The following DNAJC1 variants were observed in gnomAD, a reference collection of about 807,000 sequenced individuals.
DNAJC1 encodes DnaJ heat shock protein family (Hsp40) member C1.
Under a neutral mutation model 76.6 loss-of-function variants are expected in DNAJC1, and 58 were observed. The observed-to-expected ratio is 0.76, with a 90% CI of 0.61 to 0.94. The LOEUF (loss-of-function observed/expected upper bound fraction) is 0.94. DNAJC1 is among the 40% of genes least tolerant of loss of function. The pLI, the probability that DNAJC1 is intolerant of heterozygous loss-of-function variation, is 0.00. For missense variants in DNAJC1, 689 were observed against 677.3 expected (o/e 1.02, Z -0.19); for synonymous variants, 258 against 267.9 (o/e 0.96, Z 0.36).
At position 21,806,093 on chromosome 10, in the gene DNAJC1, C is replaced by T. The variant is rs750344941; in HGVS notation, c.985G>A (p.Glu329Lys). 7 of 1,609,520 alleles carry T rather than the reference C, an allele frequency of 4.3e-6. No individual in the cohort carries two copies. Among genetic ancestry groups the T allele is most frequent in the Middle Eastern group, 1.9e-4 (1 of 5,248 alleles). The change falls in exon 9 of 12, where the codon GAA (glutamate) becomes AAA (lysine). Residue 329 changes from glutamate to lysine, a missense_variant. By Grantham distance (56) the Glu-to-Lys change is moderately conservative. Coordinates refer to ENST00000376980, the MANE Select transcript of DNAJC1 (RefSeq NM_022365.4). ...TGGCTGAGGTCCTCTTCTGTCCATT[C>T]AGGTGCCTGCAAAACATTAAAGAAA... Reference protein sequence around the residue: ...RNRTQKKQAPEWTEEDLSQLT... With the variant: ...RNRTQKKQAPKWTEEDLSQLT...
intron 8 of DNAJC1, among the ~76,000 whole-genome samples, chr10:21,834,747 C>G (rs528553715): frequency 6.6e-6 from 1 of 152,318 alleles, no homozygotes; most frequent in African/African-American, 2.4e-5. Context: ...TGAGATCAAA[C>G]TGCAAGGTGG....
intron 1 of DNAJC1, among the ~76,000 whole-genome samples, chr10:21,982,425 T>G (rs1014030843): frequency 3.3e-5 from 5 of 152,170 alleles, no homozygotes; most frequent in African/African-American, 1.2e-4. Context: ...TGAAAACCTT[T>G]TGTGCATCAA....
intron 1 of DNAJC1, among the ~76,000 whole-genome samples, chr10:21,943,256 C>T (rs900902999): frequency 4.6e-5 from 7 of 151,924 alleles, no homozygotes; most frequent in African/African-American, 1.2e-4. Context: ...GAAGAAGAAA[C>T]GGGTAAACAT....
chr10:21,775,772 C>T (rs568721165), intron 9 of DNAJC1, among the ~76,000 whole-genome samples: 1 of 152,226 alleles, frequency 6.6e-6, no homozygotes, highest in Non-Finnish European at 1.5e-5. Context: ...TTTGTAGCCT[C>T]GTCTTGGGAG....
intron 1 of DNAJC1, among the ~76,000 whole-genome samples, chr10:21,972,053 T>C (rs1837988338): frequency 6.6e-6 from 1 of 151,972 alleles, no homozygotes; most frequent in Non-Finnish European, 1.5e-5. Context: ...GGTTTACTGA[T>C]ATGGAGTGTG....
At chr10:21,803,932 T>C (rs1834850103) in intron 9 of DNAJC1, 2 of 979,212 alleles carry the variant, frequency 2.0e-6, no homozygotes, top group Non-Finnish European at 2.4e-6. Flanking sequence ...ACTTCCATGA[T>C]AAAGGGAAAA....
chr10:21,789,309 C>T (rs1589981084), intron 9 of DNAJC1, among the ~76,000 whole-genome samples: 1 of 152,154 alleles, frequency 6.6e-6, no homozygotes, highest in Non-Finnish European at 1.5e-5. Context: ...TATACCACTG[C>T]ACCTACCTGG....
rs771186669 is a variant in DNAJC1 at position 21,759,309 on chromosome 10, C to T, written c.1457G>A (p.Arg486Lys). 2.5e-6 allele frequency: 4 copies of T among 1,614,256 alleles called. No individual in the cohort carries two copies. Among genetic ancestry groups the T allele is most frequent in the African/African-American group, 1.3e-5 (1 of 75,080 alleles). Residue 486 changes from arginine to lysine, a missense_variant, in exon 11 of 12, where the codon AGA becomes AAA. Arg to Lys is a conservative substitution (Grantham distance 26). Transcript: ENST00000376980. ...CTCTGCAGACCGAGCTCTCTCTTTT[C>T]TCAGGCTCTCCTCGTCGCTGGACTC... ...QNESSDEESL[R>K]KERARSAEEP... is the part of the protein sequence containing the mutation.
chr10:21,860,958 A>G (rs1415712672), intron 8 of DNAJC1: 1 of 152,268 alleles, frequency 6.6e-6, no homozygotes, highest in African/African-American at 2.4e-5. Flanking sequence ...ACAGGCTTTG[A>G]AACAAAGGAA....
chr10:21,835,108 G>A (rs1343217326), intron 8 of DNAJC1, among the ~76,000 whole-genome samples: 7 of 152,010 alleles, frequency 4.6e-5, no homozygotes, highest in African/African-American at 2.4e-5. Context: ...TCACACAGCC[G>A]GGTACTCCTC....
chr10:21,956,919 CAG>C (rs1405536969), intron 1 of DNAJC1, among the ~76,000 whole-genome samples: 1 of 138,966 alleles, frequency 7.2e-6, no homozygotes, highest in Non-Finnish European at 1.5e-5. Context: ...TTTTTTGAGA[CAG>C]AGTTTTGCTC....
intron 1 of DNAJC1, among the ~76,000 whole-genome samples, chr10:21,956,418 A>G (rs989352573): frequency 2.6e-5 from 4 of 152,102 alleles, no homozygotes; most frequent in African/African-American, 7.2e-5. Context: ...ACTGTGTCTA[A>G]TTAGAAAAAA....
At chr10:21,903,383 G>A (rs1313014542) in intron 7 of DNAJC1, among the ~76,000 whole-genome samples, 1 of 152,032 alleles carries the variant, frequency 6.6e-6, no homozygotes. Context: ...TGTCAACCTT[G>A]GCATGTAATA....
At chr10:21,953,600 C>T (rs533655891) in intron 1 of DNAJC1, among the ~76,000 whole-genome samples, 2 of 150,880 alleles carry the variant, frequency 1.3e-5, no homozygotes, top group Admixed American at 1.3e-4. Context: ...AAATGTTTTC[C>T]CTTAGAAAGT....
chr10:21,950,262 C>T (rs184577256), intron 1 of DNAJC1, among the ~76,000 whole-genome samples: 113 of 152,266 alleles, frequency 7.4e-4, no homozygotes, highest in African/African-American at 2.6e-3. Flanking sequence ...GTAACTCTCG[C>T]AACATTTCAA....
intron 1 of DNAJC1, among the ~76,000 whole-genome samples, chr10:22,001,193 C>T (rs1035016455): frequency 6.6e-6 from 1 of 152,196 alleles, no homozygotes; most frequent in Non-Finnish European, 1.5e-5. Flanking sequence ...AGCCAGGTCA[C>T]CACTTTCAGC....
intron 1 of DNAJC1, among the ~76,000 whole-genome samples, chr10:21,990,403 A>C (rs1442448796): frequency 6.6e-6 from 1 of 152,216 alleles, no homozygotes; most frequent in Non-Finnish European, 1.5e-5. Flanking sequence ...TGTGTGGAGA[A>C]AATCAACAAA....
At chr10:21,972,090 G>A (rs1217838606) in intron 1 of DNAJC1, among the ~76,000 whole-genome samples, 1 of 151,460 alleles carries the variant, frequency 6.6e-6, no homozygotes, top group Non-Finnish European at 1.5e-5. Flanking sequence ...GCTTTCAAGG[G>A]GACTTTTGTA....
intron 9 of DNAJC1, among the ~76,000 whole-genome samples, chr10:21,780,109 T>C (rs1834507374): frequency 1.3e-5 from 2 of 152,030 alleles, no homozygotes; most frequent in Non-Finnish European, 2.9e-5. Context: ...AAGACCAAAT[T>C]TACGTCTGAT....
Sources: allele counts gnomAD v4.1 joint callset (sites outside exome capture counted in the v4.1 genomes callset), GRCh38; gene constraint gnomAD v4.1.1; transcripts MANE v1.5; gene names NCBI Gene and HGNC (gene_info 2026-07-23, HGNC 2026-07-21).